STAT6: variants seen among roughly 807,000 people sequenced by gnomAD.
STAT6 encodes STAT, interleukin4-induced.
Under a neutral mutation model 106.3 loss-of-function variants are expected in STAT6, and 45 were observed. The observed-to-expected ratio is 0.42, with a 90% CI of 0.33 to 0.54. The LOEUF (loss-of-function observed/expected upper bound fraction) is 0.54, where lower values mean the gene tolerates loss of function less well. Among genes scored for constraint, STAT6 ranks in the 20% least tolerant of loss-of-function variants. The pLI is 0.06. For synonymous variants in STAT6, 413 were observed against 413.6 expected, an observed-to-expected ratio of 1.00 and a Z score of 0.02; for missense variants, 797 against 1,062.2, an observed-to-expected ratio of 0.75 and a Z score of 3.47.
intron 19 of STAT6, among the ~76,000 whole-genome samples, chr12:57,097,749 C>T (rs1376510357): frequency 6.6e-6 from 1 of 152,092 alleles, no homozygotes; most frequent in Non-Finnish European, 1.5e-5. Flanking sequence ...TAAGTGAGAC[C>T]TTGTCTGCAG....
At chr12:57,098,619 C>T (rs771940811) in intron 18 of STAT6, 22 bp from the exon 19 acceptor site, 1 of 1,609,722 alleles carries the variant, frequency 6.2e-7, no homozygotes, top group East Asian at 2.2e-5. Flanking sequence ...AAACAGACCC[C>T]CTGATGCCAG....
intron 11 of STAT6, chr12:57,104,160 C>T (rs1030157018): frequency 1.5e-4 from 54 of 371,484 alleles, no homozygotes; most frequent in Non-Finnish European, 2.5e-4. Context: ...TACTGCCTAC[C>T]TCATAATGTT....
chr12:57,097,811 G>A lies in STAT6; in HGVS notation c.2160-678C>T, dbSNP rs369832067. On this transcript the variant is annotated intron_variant, in intron 19 of 21. Transcript: ENST00000300134. ...GTGTCGTGGTGCACTACAGCAGGAG[G>A]ATTGCTCGAGCCCAAGAGGCGGAGG... Among the ~76,000 whole-genome samples the A allele has an allele frequency of 2.6e-5, 4 of 152,086 alleles. No individual in the cohort carries two copies. The East Asian group carries it at 7.7e-4, about 29-fold the overall frequency.
intron 11 of STAT6, 43 bp from the exon 12 acceptor site, chr12:57,102,964 CCTTTTTTTTTTTTTTTTTT>C: frequency 7.1e-6 from 2 of 279,916 alleles, no homozygotes; most frequent in Admixed American, 7.7e-5. Flanking sequence ...TTCTTTCTTT[CCTTTTTTTTTTTTTTTTTT>C]TTTTTTTTTT....
At chr12:57,104,868 C>G in intron 9 of STAT6, 55 bp from the exon 10 acceptor site, 1 of 1,590,248 alleles carries the variant, frequency 6.3e-7, no homozygotes. Context: ...TCAGGTGTGG[C>G]GAGTGCATGG....
chr12:57,106,503 C>A (rs1310821718), intron 6 of STAT6, 25 bp downstream of exon 6: 3 of 1,613,444 alleles, frequency 1.9e-6, no homozygotes, highest in African/African-American at 2.7e-5. Flanking sequence ...TGACCAAGGT[C>A]TCCACCTGTC....
chr12:57,098,179 T>C (rs1026159362), intron 19 of STAT6, among the ~76,000 whole-genome samples: 2 of 152,228 alleles, frequency 1.3e-5, no homozygotes, highest in African/African-American at 4.8e-5. Flanking sequence ...CCATGCACTA[T>C]GCTCAGCTTT....
In STAT6 at chr12:57,099,219, A is replaced by G. The variant is rs932146889; in HGVS notation, c.1891+75T>C. On this transcript the variant is annotated intron_variant, in intron 16 of 21. Transcript: ENST00000300134. The surrounding 1 kb of genome is among the most constrained non-coding windows in gnomAD (Gnocchi z 4.7). ...AGTGACATCAGGATGACACGCGGGC[A>G]GGGAGAGGAGGGCAGCGGGGAGCAG... 23 of 1,602,422 alleles carry G rather than the reference A, an allele frequency of 1.4e-5. No individual in the cohort carries two copies. Among genetic ancestry groups the G allele is most frequent in the African/African-American group, 2.7e-5 (2 of 74,698 alleles).
chr12:57,102,884 T>A lies in STAT6; in HGVS notation c.1250A>T (p.Asn417Ile). The change falls in exon 12 of 22, where the codon AAC becomes ATC. Residue 417 changes from asparagine (N) to isoleucine (I), a missense_variant. Asn to Ile is a moderately radical substitution (Grantham distance 149, BLOSUM62 -3). This residue lies in a region of STAT6 where 222 missense variants were observed against 354.6 expected (regional missense o/e 0.63). Transcript: ENST00000300134. ...AGTGGCTTTGGCATTGTTGTCTTGGTTGCCATGGACGATGACCACCAGGGG... is the reference window on the plus strand; with the variant it reads ...AGTGGCTTTGGCATTGTTGTCTTGGATGCCATGGACGATGACCACCAGGGG... ...SLPLVVIVHG[N>I]QDNNAKATIL... 1 of 1,611,708 alleles carries A rather than the reference T, an allele frequency of 6.2e-7. No individual in the cohort carries two copies. Among genetic ancestry groups the A allele is most frequent in the South Asian group, 1.1e-5 (1 of 90,966 alleles).
chr12:57,102,143 C>T, intron 13 of STAT6, 147 bp downstream of exon 13: 1 of 869,314 alleles, frequency 1.2e-6, no homozygotes, highest in Non-Finnish European at 1.8e-6. Context: ...GTTTTTCCTC[C>T]CTGGTCCATG....
At chr12:57,102,755 C>T (rs1458502823) in intron 12 of STAT6, 74 bp downstream of exon 12, 7 of 1,264,804 alleles carry the variant, frequency 5.5e-6, no homozygotes, top group Non-Finnish European at 6.9e-6. Context: ...ACCACCCCAT[C>T]AGCAGGCCTG....
At chr12:57,098,644 AC>A (rs766466274) in intron 18 of STAT6, 47 bp from the exon 19 acceptor site, 2 of 1,590,884 alleles carry the variant, frequency 1.3e-6, no homozygotes, top group Admixed American at 1.7e-5. Context: ...TCTCCTGGAC[AC>A]CACCACACCC....
chr12:57,107,686 T>G lies in STAT6; in HGVS notation c.174A>C (p.Ser58=). The G allele has an allele frequency of 6.8e-6, 11 of 1,613,810 alleles. No homozygotes were observed. Among genetic ancestry groups the G allele is most frequent in the Non-Finnish European group, 9.3e-6 (11 of 1,179,992 alleles). ...FCCNLASALL[S]DTVQHLQASV... is the part of the protein sequence containing the mutation. ...AGGCCTGAAGGTGCTGGACAGTGTC[T>G]GAAAGTAGGGCACTAGCCAAGTTGC... The change falls in exon 3 of 22, where the codon TCA becomes TCC. Residue 58 remains serine (S), a synonymous_variant. Coordinates refer to ENST00000300134, the MANE Select transcript of STAT6 (RefSeq NM_003153.5).
At chr12:57,110,317 G>C (rs1263416361) in intron 1 of STAT6, 2 of 152,282 alleles carry the variant, frequency 1.3e-5, no homozygotes, top group Non-Finnish European at 1.5e-5. Context: ...GGCACCTTTT[G>C]TCTTCAGCCC....
At chr12:57,110,996 C>A in intron 1 of STAT6, 133 bp downstream of exon 1, 1 of 153,026 alleles carries the variant, frequency 6.5e-6, no homozygotes, top group South Asian at 2.1e-4. Flanking sequence ...TGCCACCAGC[C>A]ACCAACACTA....
intron 2 of STAT6, 28 bp downstream of exon 2, chr12:57,108,135 G>T: frequency 7.1e-7 from 1 of 1,408,586 alleles, no homozygotes. Flanking sequence ...AAGACTTGGG[G>T]GACCAGCAGG....
At chr12:57,105,749 G>A (rs1476220499) in intron 7 of STAT6, 150 bp from the exon 8 acceptor site, 1 of 1,305,866 alleles carries the variant, frequency 7.7e-7, no homozygotes. Context: ...GGGCTGAAGG[G>A]GGTTCTGTGA....
At chr12:57,100,178 C>T (rs2033732615) in intron 13 of STAT6, 88 bp from the exon 14 acceptor site, 22 of 1,124,782 alleles carry the variant, frequency 2.0e-5, no homozygotes, top group Middle Eastern at 2.0e-4. Flanking sequence ...AGTGCCCTCA[C>T]GACAGAATCA....
At chr12:57,102,195 C>A in intron 13 of STAT6, 95 bp downstream of exon 13, 1 of 1,352,722 alleles carries the variant, frequency 7.4e-7, no homozygotes, top group Non-Finnish European at 1.0e-6. Flanking sequence ...TGTGGAGAAT[C>A]CAGTGGAAGG....
Sources: allele counts gnomAD v4.1 joint callset (sites outside exome capture counted in the v4.1 genomes callset), GRCh38; gene constraint gnomAD v4.1.1; regional missense constraint gnomAD v4.1.1; non-coding constraint Gnocchi (gnomAD v3.1); transcripts MANE v1.5; gene names NCBI Gene and HGNC (gene_info 2026-07-23, HGNC 2026-07-21).